Variants in CEP63 observed in about 807,000 individuals in gnomAD.
CEP63 encodes the protein centrosomal protein of 63 kDa.
Under a neutral mutation model 89.1 loss-of-function variants are expected in CEP63, and 84 were observed. That is an observed-to-expected ratio of 0.94 (90% CI 0.79 to 1.13). The LOEUF (loss-of-function observed/expected upper bound fraction) is 1.13. Ranked by LOEUF, CEP63 falls within the 50% of genes most tolerant of loss-of-function variation. The pLI is 0.00. For synonymous variants in CEP63, 267 were observed against 272.5 expected (o/e 0.98, Z 0.20); for missense variants, 838 against 813.3 (o/e 1.03, Z -0.37).
At chr3:134,705,239 T>A in the CEP63 span, among the ~76,000 whole-genome samples, 1 of 152,222 alleles carries the variant, frequency 6.6e-6, no homozygotes, top group Non-Finnish European at 1.5e-5. Flanking sequence ...CACTGGCATC[T>A]GCTCAGCTTC....
chr3:134,740,868 A>G, the CEP63 span, among the ~76,000 whole-genome samples: 1 of 152,218 alleles, frequency 6.6e-6, no homozygotes, highest in South Asian at 2.1e-4. Flanking sequence ...AAGTTCAGCA[A>G]TGGAGGTGTG....
rs748169089 is a variant in CEP63, at chr3:134,571,162, C to G, written c.1330-3631C>G. On this transcript the variant is annotated intron_variant, in intron 11 of 11. Coordinates refer to the CEP63 transcript ENST00000354446. ...TGCCAAAACAGAATGGAAAACACAG[C>G]AAGTCAAATTCCCCAGAGCCAGGTC... Among the ~76,000 whole-genome samples the G allele has an allele frequency of 1.9e-4, 29 of 152,312 alleles. No homozygotes were observed. The South Asian group carries it at 2.5e-3, about 13-fold the overall frequency.
the CEP63 span, among the ~76,000 whole-genome samples, chr3:134,668,041 G>C: frequency 6.6e-6 from 1 of 152,168 alleles, no homozygotes; most frequent in Non-Finnish European, 1.5e-5. Flanking sequence ...TCCTGGGAGG[G>C]GACTCCTTGG....
the CEP63 span, among the ~76,000 whole-genome samples, chr3:134,773,291 T>C: frequency 6.6e-6 from 1 of 152,172 alleles, no homozygotes; most frequent in African/African-American, 2.4e-5. Context: ...GTGGGCACTA[T>C]CTTGGACTTC....
intron 3 of CEP63, among the ~76,000 whole-genome samples, chr3:134,512,963 A>G (rs897738398): frequency 2.6e-5 from 4 of 152,224 alleles, no homozygotes; most frequent in South Asian, 2.1e-4. Context: ...TTTTAAACAT[A>G]CCTACCATTG....
intron 6 of CEP63, among the ~76,000 whole-genome samples, chr3:134,537,626 G>A (rs1015268024): frequency 7.2e-5 from 11 of 151,970 alleles, no homozygotes; most frequent in African/African-American, 2.4e-4. Context: ...TAGCTTTGTC[G>A]CCCTCTCTTC....
the CEP63 span, among the ~76,000 whole-genome samples, chr3:134,668,250 G>A: frequency 6.6e-6 from 1 of 152,210 alleles, no homozygotes; most frequent in South Asian, 2.1e-4. Flanking sequence ...GGAAGGAGGA[G>A]TTGGCTGCCT....
chr3:134,576,192 C>G (rs1452056389), downstream of CEP63, among the ~76,000 whole-genome samples: 2 of 152,150 alleles, frequency 1.3e-5, no homozygotes, highest in Non-Finnish European at 2.9e-5. Flanking sequence ...ACATTGCAAG[C>G]CAGCCCTTTC....
exon 12 of CEP63, chr3:134,574,816 C>T: frequency 1.6e-6 from 1 of 623,572 alleles, no homozygotes; most frequent in Non-Finnish European, 2.9e-6. Flanking sequence ...CCATGTTGTC[C>T]AGTCTGGTTT....
the CEP63 span, among the ~76,000 whole-genome samples, chr3:134,644,281 C>T: frequency 6.6e-6 from 1 of 152,228 alleles, no homozygotes; most frequent in South Asian, 2.1e-4. Context: ...ATTTCTGTCC[C>T]TGGGACACAG....
At chr3:134,655,758 T>A in the CEP63 span, among the ~76,000 whole-genome samples, 1 of 152,196 alleles carries the variant, frequency 6.6e-6, no homozygotes, top group African/African-American at 2.4e-5. Flanking sequence ...ACAATCACGA[T>A]GAACACACCT....
intron 1 of CEP63, among the ~76,000 whole-genome samples, chr3:134,494,359 G>T (rs1004112142): frequency 6.6e-6 from 1 of 151,232 alleles, no homozygotes; most frequent in Non-Finnish European, 1.5e-5. Flanking sequence ...CAGGTGATCC[G>T]CCTCCCTCGG....
At chr3:134,774,968 T>C in the CEP63 span, among the ~76,000 whole-genome samples, 1 of 152,168 alleles carries the variant, frequency 6.6e-6, no homozygotes, top group African/African-American at 2.4e-5. Flanking sequence ...TTGACCAATG[T>C]CTGGTGAGAA....
chr3:134,650,580 A>T, the CEP63 span, among the ~76,000 whole-genome samples: 1 of 152,170 alleles, frequency 6.6e-6, no homozygotes, highest in Non-Finnish European at 1.5e-5. Flanking sequence ...GGGGTGACGG[A>T]AGCACCCACA....
the CEP63 span, among the ~76,000 whole-genome samples, chr3:134,594,493 GAGA>G: frequency 2.6e-5 from 4 of 152,080 alleles, no homozygotes; most frequent in Admixed American, 6.5e-5. Context: ...GGATTCCCCC[GAGA>G]AGAACGGCAC....
the CEP63 span, among the ~76,000 whole-genome samples, chr3:134,695,447 A>G: frequency 2.0e-5 from 3 of 152,322 alleles, no homozygotes; most frequent in South Asian, 4.1e-4. Context: ...CTGCCCATAC[A>G]TGGTGATGAC....
the CEP63 span, among the ~76,000 whole-genome samples, chr3:134,654,977 C>T: frequency 6.6e-6 from 1 of 152,294 alleles, no homozygotes; most frequent in Admixed American, 6.5e-5. Context: ...ATATCAATCC[C>T]CTCTGGAGCA....
the CEP63 span, among the ~76,000 whole-genome samples, chr3:134,717,278 CAGTT>C: frequency 1.7e-4 from 26 of 152,308 alleles, no homozygotes; most frequent in South Asian, 1.2e-3. Context: ...TGTGGAAACT[CAGTT>C]AGTTTTCAGT....
chr3:134,584,868 T>A (rs1253807477), intron 10 of CEP63, among the ~76,000 whole-genome samples: 4 of 152,016 alleles, frequency 2.6e-5, no homozygotes, highest in African/African-American at 9.7e-5. Flanking sequence ...CTGTTATTGG[T>A]CTATTCAGAG....
Sources: gnomAD v4.1 joint callset for allele counts (sites outside exome capture counted in the v4.1 genomes callset) on GRCh38, gnomAD v4.1.1 for gene constraint, MANE v1.5 for transcripts, NCBI Gene and HGNC (gene_info 2026-07-23, HGNC 2026-07-21) for gene names.